The following FBXW8 variants were observed in gnomAD, a reference collection of about 807,000 sequenced individuals.
The protein encoded by FBXW8 is F-box and WD repeat domain containing 8.
FBXW8 carries 57 observed loss-of-function variants against 65.3 expected under a neutral mutation model. The ratio of observed to expected loss-of-function variants is 0.87; its 90% CI spans 0.71 to 1.09. The LOEUF (loss-of-function observed/expected upper bound fraction) is 1.09, where lower values mean the gene tolerates loss of function less well. Ranked by LOEUF, FBXW8 falls within the 50% of genes least tolerant of loss-of-function variation. The pLI, the probability that FBXW8 is intolerant of heterozygous loss-of-function variation, is 0.00. For synonymous variants in FBXW8, 308 were observed against 330.2 expected (o/e 0.93, Z 0.73); for missense variants, 777 against 814.8 (o/e 0.95, Z 0.57).
At chr12:117,000,742 G>C (rs1953495944) in intron 7 of FBXW8, among the ~76,000 whole-genome samples, 1 of 152,182 alleles carries the variant, frequency 6.6e-6, no homozygotes. Context: ...CTGTGTAAAG[G>C]GAGTAAAATC....
chr12:116,954,829 G>A (rs1342879414), intron 4 of FBXW8, among the ~76,000 whole-genome samples: 1 of 152,134 alleles, frequency 6.6e-6, no homozygotes, highest in African/African-American at 2.4e-5. Flanking sequence ...TCCTGTTAGT[G>A]CTGTACATAG....
At chr12:117,020,190 C>T (rs936845409) in intron 8 of FBXW8, among the ~76,000 whole-genome samples, 2 of 152,218 alleles carry the variant, frequency 1.3e-5, no homozygotes, top group African/African-American at 2.4e-5. Flanking sequence ...GCTAGTTAAT[C>T]GTGTCACCTA....
At chr12:116,923,488 C>T (rs533178684) in intron 1 of FBXW8, among the ~76,000 whole-genome samples, 93 of 152,008 alleles carry the variant, frequency 6.1e-4, no homozygotes, top group Admixed American at 1.7e-3. Context: ...TCTCACATTG[C>T]TGAGAGCTAT....
At chr12:116,946,782 A>G (rs965324632) in intron 3 of FBXW8, among the ~76,000 whole-genome samples, 9 of 152,022 alleles carry the variant, frequency 5.9e-5, no homozygotes, top group African/African-American at 2.2e-4. Context: ...GGTCCATGTG[A>G]TGCACACAGG....
In FBXW8 at chr12:116,964,806, T is replaced by C. The variant is rs1194409713; in HGVS notation, c.787T>C (p.Ser263Pro). 1 of 1,613,072 alleles carries C rather than the reference T, an allele frequency of 6.2e-7. No homozygotes were observed. Among genetic ancestry groups the C allele is most frequent in the South Asian group, 1.1e-5 (1 of 91,008 alleles). Reference sequence around the variant, plus strand: ...TGAGCCTGGAATGCAGCCAAATGTCTCCTTTGTGAGGATAAACAGCTCGTT... The same window carrying C: ...TGAGCCTGGAATGCAGCCAAATGTCCCCTTTGTGAGGATAAACAGCTCGTT... The part of the protein sequence containing the change: ...EDEPGMQPNV[S>P]FVRINSSLAV... Residue 263 changes from serine to proline, a missense_variant, in exon 5 of 11, where the codon TCC becomes CCC. Coordinates refer to ENST00000652555, the MANE Select transcript of FBXW8 (RefSeq NM_153348.3).
At chr12:116,931,689 A>ATTT (rs1181993665) in intron 2 of FBXW8, among the ~76,000 whole-genome samples, 1 of 138,660 alleles carries the variant, frequency 7.2e-6, no homozygotes, top group East Asian at 2.1e-4. Context: ...GTATATAGAA[A>ATTT]CTCTACTGAT....
At chr12:117,013,235 CCAT>C (rs62711360) in intron 8 of FBXW8, among the ~76,000 whole-genome samples, 49,112 of 151,762 alleles carry the variant, frequency 0.32, 12,374 homozygotes, top group African/African-American at 0.71. Context: ...GAGCGAGACT[CCAT>C]CATCTCAAAA....
At chr12:117,005,415 C>T (rs1377911347) in intron 7 of FBXW8, among the ~76,000 whole-genome samples, 3 of 152,158 alleles carry the variant, frequency 2.0e-5, no homozygotes, top group Admixed American at 6.5e-5. Flanking sequence ...ATCTCTGTCC[C>T]CAGGAACCTT....
At chr12:117,022,979 T>G (rs560121449) in intron 8 of FBXW8, among the ~76,000 whole-genome samples, 1 of 152,368 alleles carries the variant, frequency 6.6e-6, no homozygotes, top group African/African-American at 2.4e-5. Context: ...GCCATCTGTC[T>G]TCTTGTTCTG....
intron 1 of FBXW8, among the ~76,000 whole-genome samples, chr12:116,916,938 T>C (rs1367951280): frequency 6.6e-6 from 1 of 151,698 alleles, no homozygotes; most frequent in Non-Finnish European, 1.5e-5. Flanking sequence ...AAGAGGTGTG[T>C]ATCTGGGTTA....
At chr12:116,927,842 C>T (rs1233658620) in intron 1 of FBXW8, among the ~76,000 whole-genome samples, 181 bp from the exon 2 acceptor site, 2 of 152,126 alleles carry the variant, frequency 1.3e-5, no homozygotes, top group African/African-American at 4.8e-5. Flanking sequence ...GGATGGCTGG[C>T]AGATTCTGAA....
intron 2 of FBXW8, among the ~76,000 whole-genome samples, chr12:116,941,340 G>T (rs1882552766): frequency 6.6e-6 from 1 of 152,206 alleles, no homozygotes. Context: ...CAGCATTAGA[G>T]TGTGACACTT....
chr12:116,998,873 T>G (rs1018582866), intron 7 of FBXW8, among the ~76,000 whole-genome samples: 1 of 152,244 alleles, frequency 6.6e-6, no homozygotes, highest in African/African-American at 2.4e-5. Flanking sequence ...TTTCTGAATA[T>G]TTAAAACATT....
intron 7 of FBXW8, among the ~76,000 whole-genome samples, chr12:116,994,023 T>G (rs754013997): frequency 1.3e-5 from 2 of 152,132 alleles, no homozygotes; most frequent in Non-Finnish European, 2.9e-5. Context: ...AATCCTAAAA[T>G]TAATATGGAA....
intron 2 of FBXW8, among the ~76,000 whole-genome samples, chr12:116,938,451 C>T (rs1404696969): frequency 6.6e-6 from 1 of 152,174 alleles, no homozygotes; most frequent in Admixed American, 6.5e-5. Context: ...TGCACCACAA[C>T]ATCAATTTTT....
chr12:116,968,677 AAG>A (rs1884471697), intron 5 of FBXW8, among the ~76,000 whole-genome samples: 7 of 152,224 alleles, frequency 4.6e-5, no homozygotes, highest in Non-Finnish European at 2.9e-5. Flanking sequence ...TCTTACCAGC[AAG>A]CCATGAGAGT....
chr12:116,959,006 C>T (rs570651968), intron 4 of FBXW8, among the ~76,000 whole-genome samples: 1 of 152,304 alleles, frequency 6.6e-6, no homozygotes, highest in East Asian at 1.9e-4. Flanking sequence ...GCTCTGGGTG[C>T]CTGATCAGAA....
chr12:116,964,681 T>G lies in FBXW8; in HGVS notation c.678-16T>G. ...TTCAATCTCCTTTTGGAACCAAGTG[T>G]GTCGTTCTCTTCCAGATATACATCA... On this transcript the variant is annotated splice_polypyrimidine_tract_variant and intron_variant, in intron 4 of 10. Transcript: ENST00000652555. 1.1e-5 allele frequency: 18 copies of G among 1,613,364 alleles called. No individual in the cohort carries two copies. Among genetic ancestry groups the G allele is most frequent in the Non-Finnish European group, 1.5e-5 (18 of 1,179,860 alleles).
Position 116,947,600 on chromosome 12 carries a change from C to T in FBXW8, c.589-2018C>T, listed in dbSNP as rs535852422. On this transcript the variant is annotated intron_variant, in intron 3 of 10. Transcript: ENST00000652555. ...ACTAAAAATACGAAAATTAGCCGGGCGTGGTGGCACACACCTGTAGTCCCA... is the reference window on the plus strand; with the variant it reads ...ACTAAAAATACGAAAATTAGCCGGGTGTGGTGGCACACACCTGTAGTCCCA... 1.8e-4 allele frequency among the ~76,000 whole-genome samples: 27 copies of T among 151,714 alleles called. No homozygotes were observed. In the East Asian group the frequency reaches 4.7e-3, roughly 26 times the overall value.
Sources: gnomAD v4.1 joint callset for allele counts (sites outside exome capture counted in the v4.1 genomes callset) on GRCh38, gnomAD v4.1.1 for gene constraint, MANE v1.5 for transcripts, NCBI Gene and HGNC (gene_info 2026-07-23, HGNC 2026-07-21) for gene names.